The following TRPV1 variants were observed in gnomAD, a reference collection of about 807,000 sequenced individuals.
TRPV1 encodes the protein OTRPC1.
Under a neutral mutation model 82.3 loss-of-function variants are expected in TRPV1, and 82 were observed. That is an observed-to-expected ratio of 1.00 (90% confidence interval 0.83 to 1.20). TRPV1 has a LOEUF of 1.20. Among genes scored for constraint, TRPV1 ranks in the 50% most tolerant of loss-of-function variants. The probability of loss-of-function intolerance (pLI) is 0.00; values close to 1 mark genes in which losing one functional copy is unlikely to be tolerated. For synonymous variants in TRPV1, 515 were observed against 467.7 expected (o/e 1.10, Z -1.30); for missense variants, 1,067 against 1,096.8 (o/e 0.97, Z 0.38).
At chr17:3,586,372 G>A (rs1399565437) in intron 8 of TRPV1, among the ~76,000 whole-genome samples, 1 of 152,210 alleles carries the variant, frequency 6.6e-6, no homozygotes, top group African/African-American at 2.4e-5. Flanking sequence ...GGGCGGCAGG[G>A]AGGCAGGGAA....
At chr17:3,571,879 G>A (rs1212757287) in intron 15 of TRPV1, among the ~76,000 whole-genome samples, 1 of 152,174 alleles carries the variant, frequency 6.6e-6, no homozygotes, top group African/African-American at 2.4e-5. Context: ...TCACTAGACG[G>A]CCCCTTCTGG....
chr17:3,606,498 G>A (rs1271718032), intron 2 of TRPV1, among the ~76,000 whole-genome samples: 1 of 152,200 alleles, frequency 6.6e-6, no homozygotes, highest in Non-Finnish European at 1.5e-5. Flanking sequence ...TCGGGGGGAA[G>A]GTGCAGCCCT....
At chr17:3,598,563 CTTTTTTTTT>C (rs57290148) in intron 2 of TRPV1, among the ~76,000 whole-genome samples, 6 of 116,808 alleles carry the variant, frequency 5.1e-5, no homozygotes, top group South Asian at 2.8e-4. Context: ...CGCTTAGTCA[CTTTTTTTTT>C]TTTTTTTTTT....
chr17:3,590,832 A>C, intron 5 of TRPV1, 132 bp downstream of exon 5: 1 of 1,267,750 alleles, frequency 7.9e-7, no homozygotes, highest in Non-Finnish European at 1.1e-6. Context: ...CCCTAGGATT[A>C]GGAGCCACCA....
At position 3,591,335 on chromosome 17, in the gene TRPV1, A is replaced by G. The variant is rs368556947; in HGVS notation, c.303T>C (p.Ser101=). Residue 101 remains serine (S), a synonymous_variant, in exon 4 of 17, where the codon TCT becomes TCC. Transcript: ENST00000572705. ...GGGTCTTCTCGGTGCTGGCGGCGACAGAGTCCTGGGACAGCAGCCTGTGGG... is the reference window on the plus strand; with the variant it reads ...GGGTCTTCTCGGTGCTGGCGGCGACGGAGTCCTGGGACAGCAGCCTGTGGG... The part of the protein sequence containing the change: ...PTGARLLSQD[S]VAASTEKTLR... 1.9e-6 allele frequency: 3 copies of G among 1,592,234 alleles called. No individual in the cohort carries two copies. The highest frequency in any genetic ancestry group is 1.4e-5 in the African/African-American group (1 of 73,582).
intron 2 of TRPV1, among the ~76,000 whole-genome samples, chr17:3,603,990 G>A (rs1003803506): frequency 1.3e-5 from 2 of 152,226 alleles, no homozygotes; most frequent in Non-Finnish European, 2.9e-5. Flanking sequence ...GCTCTCTCTT[G>A]ACACTAGGCA....
In TRPV1 at chr17:3,585,845, AGAAGATGCGCTTGAC is replaced by A. The variant is rs758104575; in HGVS notation, c.1291_1305del (p.Val431_Phe435del). On this transcript the variant is annotated inframe_deletion, in exon 9 of 17. Coordinates refer to ENST00000572705, the MANE Select transcript of TRPV1 (RefSeq NM_080704.4). ...AGGCAGTAGACCAGGAAGTTGAAGT[AGAAGATGCGCTTGAC>A]GAATCTGTCCCACTTGTCCTGCAGG... 2 of 1,614,006 alleles carry A rather than the reference AGAAGATGCGCTTGAC, an allele frequency of 1.2e-6. No homozygotes were observed. The highest frequency in any genetic ancestry group is 1.7e-5 in the Admixed American group (1 of 60,018).
chr17:3,590,982 T>C lies in TRPV1; in HGVS notation c.586A>G (p.Thr196Ala), dbSNP rs541072002. 2 of 1,608,084 alleles carry C rather than the reference T, an allele frequency of 1.2e-6. No homozygotes were observed. The highest frequency in any genetic ancestry group is 1.1e-5 in the South Asian group (1 of 89,714). ...SLKELVNASY[T>A]DSYYKGQTAL... ...TCCTCACCCTTGTAGTAGCTGTCCG[T>C]GTAGCTGGCGTTGACAAGCTCCTTC... Residue 196 changes from threonine to alanine, a missense_variant, in exon 5 of 17, where the codon ACG becomes GCG. Coordinates refer to ENST00000572705, the MANE Select transcript of TRPV1 (RefSeq NM_080704.4).
chr17:3,580,262 C>T (rs191090586), intron 11 of TRPV1, among the ~76,000 whole-genome samples, 195 bp downstream of exon 11: 234 of 152,312 alleles, frequency 1.5e-3, no homozygotes, highest in Non-Finnish European at 2.7e-3. Context: ...GTTTCTCGAT[C>T]CCTGGCCCCT....
At position 3,566,754 on chromosome 17, in the gene TRPV1, C is replaced by A; in HGVS notation, c.*61G>T. ...CAGAGCACTGGTGTTCCCTCAGCAG[C>A]CCCCCGTGGCAACGGGGTCTCCTAA... On this transcript the variant is annotated 3_prime_UTR_variant, in exon 17 of 17. Coordinates refer to ENST00000572705, the MANE Select transcript of TRPV1 (RefSeq NM_080704.4). 6.4e-7 allele frequency: 1 copy of A among 1,565,672 alleles called. No individual in the cohort carries two copies. Among genetic ancestry groups the A allele is most frequent in the South Asian group, 1.2e-5 (1 of 84,082 alleles).
chr17:3,592,068 T>C lies in TRPV1; in HGVS notation c.283A>G (p.Arg95Gly), dbSNP rs56016548. The C allele has an allele frequency of 6.7e-4, 1,081 of 1,610,248 alleles. 18 individuals are homozygous for C. The South Asian group carries it at 0.011, about 17-fold the overall frequency. ...GGGGGGCTCCAGACGCGGACTTACCTGGCACCGGTGGGGCCGTCTCCTGGC... is the reference window on the plus strand; with the variant it reads ...GGGGGGCTCCAGACGCGGACTTACCCGGCACCGGTGGGGCCGTCTCCTGGC... ...QRPGDGPTGA[R>G]LLSQDSVAAS... is the part of the protein sequence containing the mutation. The change falls in exon 3 of 17, where the codon AGG becomes GGG. Residue 95 changes from arginine to glycine, a missense_variant and splice_region_variant. Arg to Gly is a moderately radical substitution (Grantham distance 125). Transcript: ENST00000572705.
intron 13 of TRPV1, among the ~76,000 whole-genome samples, chr17:3,574,440 C>CA (rs1238560770): frequency 1.3e-4 from 20 of 152,204 alleles, no homozygotes; most frequent in African/African-American, 3.9e-4. Flanking sequence ...ACAAACCCCC[C>CA]CGGCCTAGTC....
intron 16 of TRPV1, among the ~76,000 whole-genome samples, chr17:3,567,353 G>A (rs1402700931): frequency 3.1e-5 from 2 of 63,564 alleles, no homozygotes; most frequent in African/African-American, 1.3e-4. Context: ...TGGGCGAAAA[G>A]AGCAAAACTC....
chr17:3,580,356 G>A (rs2074990176), intron 11 of TRPV1, 101 bp downstream of exon 11: 2 of 1,170,036 alleles, frequency 1.7e-6, no homozygotes, highest in South Asian at 1.2e-5. Flanking sequence ...TGTTCACTGA[G>A]GTCCCACTAT....
intron 15 of TRPV1, among the ~76,000 whole-genome samples, chr17:3,571,896 C>T (rs1432690584): frequency 1.3e-5 from 2 of 152,174 alleles, no homozygotes; most frequent in Non-Finnish European, 2.9e-5. Context: ...CTGGACACCT[C>T]GAATTTTCCA....
At chr17:3,585,649 A>G in intron 9 of TRPV1, 119 bp downstream of exon 9, 1 of 1,270,524 alleles carries the variant, frequency 7.9e-7, no homozygotes, top group South Asian at 1.5e-5. Context: ...CGCTCCCGCA[A>G]GCTGGGAAGG....
chr17:3,580,145 G>A (rs538093614), intron 11 of TRPV1, among the ~76,000 whole-genome samples: 1 of 151,918 alleles, frequency 6.6e-6, no homozygotes, highest in South Asian at 2.1e-4. Context: ...CGGGCGCCAT[G>A]TCTGTTTCAT....
At chr17:3,600,240 G>A (rs1355044835) in intron 2 of TRPV1, among the ~76,000 whole-genome samples, 1 of 152,186 alleles carries the variant, frequency 6.6e-6, no homozygotes, top group Non-Finnish European at 1.5e-5. Context: ...GGATGGTCAT[G>A]CTTCTTCTCC....
intron 7 of TRPV1, chr17:3,588,969 A>C: frequency 2.6e-6 from 4 of 1,535,562 alleles, no homozygotes; most frequent in Non-Finnish European, 3.5e-6. Flanking sequence ...GATAACCTCA[A>C]GCCAGAAAGA....
Sources: allele counts gnomAD v4.1 joint callset (sites outside exome capture counted in the v4.1 genomes callset), GRCh38; gene constraint gnomAD v4.1.1; transcripts MANE v1.5; gene names NCBI Gene and HGNC (gene_info 2026-07-23, HGNC 2026-07-21).